The following SYCP2L variants were observed in gnomAD, a reference collection of about 807,000 sequenced individuals.
SYCP2L encodes the protein synaptonemal complex protein 2 like.
A neutral mutation model predicts 125.8 loss-of-function variants in SYCP2L; 98 were observed. The observed-to-expected ratio is 0.78, with a 90% CI of 0.66 to 0.92. SYCP2L has a LOEUF of 0.92. Ranked by LOEUF, SYCP2L falls within the 40% of genes least tolerant of loss-of-function variation. SYCP2L has a pLI of 0.00. For missense variants in SYCP2L, 842 were observed against 936.4 expected (o/e 0.90, Z 1.32); for synonymous variants, 317 against 325.4 (o/e 0.97, Z 0.28).
intron 25 of SYCP2L, 48 bp downstream of exon 25, chr6:10,956,290 G>A (rs754732731): frequency 1.5e-6 from 2 of 1,361,152 alleles, no homozygotes; most frequent in Non-Finnish European, 2.1e-6. Flanking sequence ...GAATCTGGAG[G>A]ACATTATGCT....
intron 6 of SYCP2L, 123 bp from the exon 7 acceptor site, chr6:10,902,554 C>T: frequency 1.3e-6 from 1 of 759,878 alleles, no homozygotes; most frequent in East Asian, 2.7e-5. Flanking sequence ...GCACAGCCTG[C>T]AAAGTGGGTT....
At chr6:10,891,318 G>T (rs1780167279) in intron 1 of SYCP2L, among the ~76,000 whole-genome samples, 195 bp from the exon 2 acceptor site, 1 of 151,818 alleles carries the variant, frequency 6.6e-6, no homozygotes, top group African/African-American at 2.4e-5. Flanking sequence ...GCTAAAGAAG[G>T]TTGGATAAAG....
At chr6:10,953,674 C>T (rs1314486125) in intron 23 of SYCP2L, among the ~76,000 whole-genome samples, 2 of 152,098 alleles carry the variant, frequency 1.3e-5, no homozygotes, top group South Asian at 4.1e-4. Flanking sequence ...CTACTATGTG[C>T]CAGACACTTC....
intron 20 of SYCP2L, among the ~76,000 whole-genome samples, chr6:10,933,649 A>G (rs1178854575): frequency 6.6e-6 from 1 of 152,294 alleles, no homozygotes; most frequent in East Asian, 1.9e-4. Flanking sequence ...CGATCTTAGT[A>G]TTTATTTTTT....
intron 21 of SYCP2L, among the ~76,000 whole-genome samples, chr6:10,936,390 G>A (rs1211651631): frequency 1.3e-5 from 2 of 151,970 alleles, no homozygotes; most frequent in South Asian, 2.1e-4. Flanking sequence ...CCAGCTACTC[G>A]GGAGGCTGAG....
chr6:10,898,356 T>C (rs73444318), intron 5 of SYCP2L, among the ~76,000 whole-genome samples: 3,660 of 152,022 alleles, frequency 0.024, 114 homozygotes, highest in African/African-American at 0.068. Flanking sequence ...TCTACTAAAA[T>C]ACAGAAATTC....
chr6:10,957,063 A>G (rs1781512942), intron 25 of SYCP2L, among the ~76,000 whole-genome samples: 1 of 152,098 alleles, frequency 6.6e-6, no homozygotes, highest in Non-Finnish European at 1.5e-5. Flanking sequence ...TTCTGGCCTA[A>G]GGTGATCCTC....
At chr6:10,936,580 C>T (rs1206321854) in intron 21 of SYCP2L, among the ~76,000 whole-genome samples, 2 of 152,064 alleles carry the variant, frequency 1.3e-5, no homozygotes, top group South Asian at 2.1e-4. Flanking sequence ...AACAAAATGG[C>T]AATACTAAGT....
chr6:10,909,303 T>C (rs1015275704), intron 10 of SYCP2L, among the ~76,000 whole-genome samples: 3 of 151,988 alleles, frequency 2.0e-5, no homozygotes, highest in African/African-American at 7.3e-5. Flanking sequence ...TAATTTTGTA[T>C]TTTTAGTAGA....
At chr6:10,931,310 A>C in intron 19 of SYCP2L, 130 bp from the exon 20 acceptor site, 2 of 814,410 alleles carry the variant, frequency 2.5e-6, no homozygotes, top group African/African-American at 1.7e-5. Context: ...GGATCTTAAG[A>C]GTAGACATTT....
In SYCP2L at chr6:10,906,031, C is replaced by T. The variant is rs1158875701; in HGVS notation, c.653C>T (p.Ala218Val). 2 of 1,599,330 alleles carry T rather than the reference C, an allele frequency of 1.3e-6. No homozygotes were observed. Among genetic ancestry groups the T allele is most frequent in the East Asian group, 4.5e-5 (2 of 44,662 alleles). Residue 218 changes from alanine to valine, a missense_variant, in exon 9 of 30, where the codon GCA (alanine) becomes GTA (valine). Coordinates refer to ENST00000283141, the MANE Select transcript of SYCP2L (RefSeq NM_001040274.3). ...TCTAAATGTTTCAGGAAAGACCTTG[C>T]AAGGACACTCTTGACTGTGGGTGGT... Reference protein sequence around the residue: ...EGMCHLMKDLARTLLTVGDYD... With the variant: ...EGMCHLMKDLVRTLLTVGDYD...
At chr6:10,953,683 T>C (rs1414073297) in intron 23 of SYCP2L, among the ~76,000 whole-genome samples, 1 of 152,228 alleles carries the variant, frequency 6.6e-6, no homozygotes, top group East Asian at 1.9e-4. Flanking sequence ...GCCAGACACT[T>C]CTGTAGGTGT....
At chr6:10,968,854 A>G (rs1236637825) in intron 29 of SYCP2L, among the ~76,000 whole-genome samples, 1 of 152,198 alleles carries the variant, frequency 6.6e-6, no homozygotes, top group Non-Finnish European at 1.5e-5. Flanking sequence ...GAGGGAGCTT[A>G]TAGTTATCTC....
intron 1 of SYCP2L, among the ~76,000 whole-genome samples, chr6:10,887,696 G>T (rs1780099794): frequency 6.6e-6 from 1 of 152,152 alleles, no homozygotes; most frequent in South Asian, 2.1e-4. Flanking sequence ...TAGAAATTCT[G>T]ATGTAATTGG....
At chr6:10,932,777 G>T (rs539399258) in intron 20 of SYCP2L, among the ~76,000 whole-genome samples, 1 of 151,858 alleles carries the variant, frequency 6.6e-6, no homozygotes, top group South Asian at 2.1e-4. Flanking sequence ...TTTTTGAGAC[G>T]GAGTCTTGCT....
Position 10,907,409 on chromosome 6 carries a change from G to A in SYCP2L, c.677-133G>A, listed in dbSNP as rs1007068103. 93 of 692,666 alleles carry A rather than the reference G, an allele frequency of 1.3e-4. 1 individual carries two copies. The highest frequency in any genetic ancestry group is 2.3e-5 in the Non-Finnish European group (10 of 439,528). 42.9% of individuals were successfully genotyped at this position (692,666 alleles called of 1,614,324 possible). A position where few individuals can be genotyped will look rare whatever the true frequency, so the allele number is the denominator to read the frequency against. ...TAATTACTCCAGGATGCATTTTGCT[G>A]TGGTAACTTTTTAAGACACAATGCT... On this transcript the variant is annotated intron_variant, in intron 9 of 29. Transcript: ENST00000283141.
chr6:10,887,213 G>A, intron 1 of SYCP2L, 78 bp downstream of exon 1: 1 of 1,594,152 alleles, frequency 6.3e-7, no homozygotes, highest in Non-Finnish European at 8.6e-7. Context: ...CTGGGGCTCA[G>A]GTTCTGCCGC....
intron 28 of SYCP2L, among the ~76,000 whole-genome samples, chr6:10,962,133 A>G (rs1397576622): frequency 6.6e-6 from 1 of 152,066 alleles, no homozygotes; most frequent in Non-Finnish European, 1.5e-5. Flanking sequence ...GGAAAATTCT[A>G]GTGTTCTTTC....
At position 10,902,712 on chromosome 6, in the gene SYCP2L, T is replaced by G. The variant is rs1780399926; in HGVS notation, c.502T>G (p.Leu168Val). ...GATGTTGGATTCCTTCCTACTTAGC[T>G]TAGGATTCCTGGTGACAGAAAAGAC... ...IQMLDSFLLS[L>V]GFLVTEKTVN... Residue 168 changes from leucine (L) to valine (V), a missense_variant, in exon 7 of 30, where the codon TTA becomes GTA. Physicochemically the swap from Leu to Val is conservative, Grantham distance 32 (BLOSUM62 1). Coordinates refer to ENST00000283141, the MANE Select transcript of SYCP2L (RefSeq NM_001040274.3). The G allele has an allele frequency of 6.2e-7, 1 of 1,613,946 alleles. No homozygotes were observed. Among genetic ancestry groups the G allele is most frequent in the African/African-American group, 1.3e-5 (1 of 74,934 alleles).
Sources: allele counts gnomAD v4.1 joint callset (sites outside exome capture counted in the v4.1 genomes callset), GRCh38; gene constraint gnomAD v4.1.1; transcripts MANE v1.5; gene names NCBI Gene and HGNC (gene_info 2026-07-23, HGNC 2026-07-21).